CDH20: variants seen among roughly 807,000 people sequenced by gnomAD.
CDH20 encodes the protein cadherin 20, also known as cadherin-20.
Under a neutral mutation model 74.2 loss-of-function variants are expected in CDH20, and 29 were observed. The observed-to-expected ratio is 0.39, with a 90% CI of 0.29 to 0.53. The LOEUF is 0.53. Ranked by LOEUF, CDH20 falls within the 20% of genes least tolerant of loss-of-function variation. CDH20 has a pLI of 0.69. For missense variants in CDH20, 988 were observed against 1,048.3 expected (o/e 0.94, Z 0.79); for synonymous variants, 469 against 405.4 (o/e 1.16, Z -1.88).
intron 1 of CDH20, among the ~76,000 whole-genome samples, chr18:61,383,293 C>T (rs543582191): frequency 6.6e-6 from 1 of 152,182 alleles, no homozygotes; most frequent in African/African-American, 2.4e-5. Flanking sequence ...AAAAATGTTA[C>T]ATTCTGGCCA....
chr18:61,547,841 C>T (rs1913306316), intron 10 of CDH20, among the ~76,000 whole-genome samples: 1 of 152,058 alleles, frequency 6.6e-6, no homozygotes, highest in African/African-American at 2.4e-5. Flanking sequence ...TACTATATGC[C>T]AGGCCCCTTC....
intron 6 of CDH20, among the ~76,000 whole-genome samples, chr18:61,514,121 T>C (rs188143322): frequency 2.4e-3 from 362 of 152,320 alleles, no homozygotes; most frequent in Non-Finnish European, 4.4e-3. Context: ...ATTCTCCCCA[T>C]CACTTTCAGG....
At chr18:61,482,704 A>G (rs1910629986) in intron 1 of CDH20, among the ~76,000 whole-genome samples, 1 of 151,772 alleles carries the variant, frequency 6.6e-6, no homozygotes, top group Non-Finnish European at 1.5e-5. Flanking sequence ...CCTGTTGCCC[A>G]GGCTGGTCTT....
chr18:61,467,905 C>T (rs1336857926), intron 1 of CDH20, among the ~76,000 whole-genome samples: 6 of 152,168 alleles, frequency 3.9e-5, no homozygotes, highest in Non-Finnish European at 7.3e-5. Context: ...TTGCTGTGTG[C>T]GAAGGCTCTG....
At position 61,484,014 on chromosome 18, in the gene CDH20, G is replaced by C. The variant is rs566433637; in HGVS notation, c.-152-6388G>C. On this transcript the variant is annotated intron_variant, in intron 1 of 11. Transcript: ENST00000262717. ...CTTTGCCAAAAAATCTTCTTCCTGT[G>C]AATTATTTTTTATGGGTCAAGGAAA... Among the ~76,000 whole-genome samples the C allele has an allele frequency of 1.3e-5, 2 of 152,284 alleles. 1 individual carries two copies. Among genetic ancestry groups the C allele is most frequent in the South Asian group, 4.1e-4 (2 of 4,826 alleles).
rs1913362499 is a variant in CDH20, at chr18:61,549,562, T to C, written c.1649-416T>C. 2.0e-5 allele frequency among the ~76,000 whole-genome samples: 3 copies of C among 152,206 alleles called. No homozygotes were observed. The South Asian group carries it at 6.2e-4, about 31-fold the overall frequency. On this transcript the variant is annotated intron_variant, in intron 10 of 11. Transcript: ENST00000262717. ...GTCACACAGGCTCCTCAGCATTCTT[T>C]TCCTGGAGGCGCAAAGCAGCACTGG...
chr18:61,360,912 C>T (rs1297499726), intron 1 of CDH20, among the ~76,000 whole-genome samples: 10 of 152,220 alleles, frequency 6.6e-5, no homozygotes, highest in African/African-American at 2.4e-4. Context: ...AGTTCGCAGA[C>T]ATCATGTTAT....
chr18:61,389,517 T>C (rs1053662457), intron 1 of CDH20, among the ~76,000 whole-genome samples: 4 of 152,212 alleles, frequency 2.6e-5, no homozygotes, highest in Non-Finnish European at 4.4e-5. Flanking sequence ...TGAATTTGTA[T>C]ACTTATTCAA....
chr18:61,428,903 T>C (rs1169155883), intron 1 of CDH20, among the ~76,000 whole-genome samples: 1 of 152,234 alleles, frequency 6.6e-6, no homozygotes, highest in East Asian at 1.9e-4. Context: ...GAACACCTAT[T>C]CAAGAATATG....
chr18:61,511,958 C>T (rs1173500440), intron 6 of CDH20, among the ~76,000 whole-genome samples: 1 of 152,170 alleles, frequency 6.6e-6, no homozygotes, highest in Non-Finnish European at 1.5e-5. Context: ...TTTTAGAGGC[C>T]ACTGACAGCT....
chr18:61,499,449 T>C lies in CDH20; in HGVS notation c.510T>C (p.Tyr170=). 6.2e-7 allele frequency: 1 copy of C among 1,610,152 alleles called. No individual in the cohort carries two copies. Among genetic ancestry groups the C allele is most frequent in the Non-Finnish European group, 8.5e-7 (1 of 1,177,910 alleles). The change falls in exon 3 of 12, where the codon TAT becomes TAC. Residue 170 remains tyrosine (Y), a synonymous_variant. Coordinates refer to ENST00000262717, the MANE Select transcript of CDH20 (RefSeq NM_031891.4). ...DNEPKFLDGP[Y]VATVPEMSPV... is the part of the protein sequence containing the mutation. ...AGCCCAAGTTCCTGGACGGACCTTA[T>C]GTGGCCACTGTGCCAGAAATGTCCC...
At chr18:61,338,509 A>T (rs1182536199) in intron 1 of CDH20, among the ~76,000 whole-genome samples, 2 of 152,202 alleles carry the variant, frequency 1.3e-5, no homozygotes, top group Non-Finnish European at 2.9e-5. Context: ...CTCAAGGTAT[A>T]TGTAATTTTT....
chr18:61,339,197 C>A (rs757937503), intron 1 of CDH20, among the ~76,000 whole-genome samples: 10 of 151,628 alleles, frequency 6.6e-5, no homozygotes, highest in Non-Finnish European at 1.5e-4. Context: ...CTTAAATGTG[C>A]GTATGCATAT....
intron 1 of CDH20, among the ~76,000 whole-genome samples, chr18:61,482,983 A>AT (rs1910638789): frequency 6.6e-6 from 1 of 152,218 alleles, no homozygotes; most frequent in African/African-American, 2.4e-5. Context: ...ATTATTATTA[A>AT]TCTCCCAGAC....
At chr18:61,527,520 A>G (rs1448835867) in intron 6 of CDH20, among the ~76,000 whole-genome samples, 1 of 152,128 alleles carries the variant, frequency 6.6e-6, no homozygotes, top group East Asian at 1.9e-4. Flanking sequence ...AGATAATGTG[A>G]CCAACCGTCC....
chr18:61,490,781 C>A lies in CDH20; in HGVS notation c.228C>A (p.Asp76Glu), dbSNP rs139409198. 3.7e-4 allele frequency: 601 copies of A among 1,613,932 alleles called. 1 individual carries two copies. Among genetic ancestry groups the A allele is most frequent in the Non-Finnish European group, 4.9e-4 (583 of 1,179,974 alleles). The change falls in exon 2 of 12, where the codon GAC (aspartate) becomes GAA (glutamate). Residue 76 changes from aspartate to glutamate, a missense_variant. Coordinates refer to ENST00000262717, the MANE Select transcript of CDH20 (RefSeq NM_031891.4). ...TTCTGGAAGAGTACACTGGGACCGA[C>A]CCTTTGTATGTCGGCAAGGTAAGAA... ...FFVLEEYTGT[D>E]PLYVGKLHSD...
At chr18:61,526,186 T>A (rs1401437617) in intron 6 of CDH20, among the ~76,000 whole-genome samples, 1 of 139,608 alleles carries the variant, frequency 7.2e-6, no homozygotes, top group Non-Finnish European at 1.5e-5. Flanking sequence ...TGGAGTGCAA[T>A]GGCTTGATCT....
Position 61,554,760 on chromosome 18 carries a change from G to A in CDH20, c.*65G>A, listed in dbSNP as rs1913573555. ...TCTCCGCGGGTGCTTCGCGGACAAG[G>A]TGCAGCCAACCACACGAGCAATACT... On this transcript the variant is annotated 3_prime_UTR_variant, in exon 12 of 12. Transcript: ENST00000262717. 3 of 1,477,046 alleles carry A rather than the reference G, an allele frequency of 2.0e-6. No individual in the cohort carries two copies. The African/African-American group carries it at 4.2e-5, about 21-fold the overall frequency. The allele number at this position is 1,477,046 out of a possible 1,614,324, so 91.5% of individuals were successfully genotyped here.
intron 6 of CDH20, among the ~76,000 whole-genome samples, chr18:61,512,152 C>T (rs1260843854): frequency 6.6e-6 from 1 of 152,196 alleles, no homozygotes; most frequent in Middle Eastern, 3.2e-3. Context: ...AGAATTGGGT[C>T]TTCAGGACCC....
Sources: gnomAD v4.1 joint callset for allele counts (sites outside exome capture counted in the v4.1 genomes callset) on GRCh38, gnomAD v4.1.1 for gene constraint, MANE v1.5 for transcripts, NCBI Gene and HGNC (gene_info 2026-07-23, HGNC 2026-07-21) for gene names.